RNGTT: variants seen among roughly 807,000 people sequenced by gnomAD.
The protein encoded by RNGTT is mRNA-capping enzyme.
Under a neutral mutation model 79.3 loss-of-function variants are expected in RNGTT, and 33 were observed. The ratio of observed to expected loss-of-function variants is 0.42; its 90% CI spans 0.32 to 0.56. The LOEUF (loss-of-function observed/expected upper bound fraction) is 0.56, where lower values mean the gene tolerates loss of function less well. RNGTT is among the 20% of genes least tolerant of loss of function. RNGTT has a pLI of 0.17. For synonymous variants in RNGTT, 222 were observed against 235.9 expected (o/e 0.94, Z 0.54); for missense variants, 497 against 739.1 (o/e 0.67, Z 3.80).
rs74898340 is a variant in RNGTT, at chr6:88,896,965, A to T, written c.685-5050T>A. 1.2e-3 allele frequency among the ~76,000 whole-genome samples: 179 copies of T among 152,262 alleles called. 4 individuals carry two copies. The East Asian group carries it at 0.032, about 27-fold the overall frequency. ...ACATCCTGCTCCATGGCACTACCAC[A>T]ATCATTTCAAACCACTCTACCTTTT... On this transcript the variant is annotated intron_variant, in intron 6 of 15. Transcript: ENST00000369485.
At chr6:88,862,309 A>G (rs1290633084) in intron 8 of RNGTT, among the ~76,000 whole-genome samples, 1 of 152,132 alleles carries the variant, frequency 6.6e-6, no homozygotes, top group Non-Finnish European at 1.5e-5. Flanking sequence ...GATTAAGTTG[A>G]TCACCAATGG....
intron 13 of RNGTT, among the ~76,000 whole-genome samples, chr6:88,708,783 T>C (rs1776226782): frequency 6.6e-6 from 1 of 152,132 alleles, no homozygotes. Flanking sequence ...CCTGTTGTTG[T>C]ATACGTTTTC....
intron 8 of RNGTT, among the ~76,000 whole-genome samples, chr6:88,859,137 A>G (rs1258940263): frequency 6.6e-6 from 1 of 152,022 alleles, no homozygotes. Context: ...GATTACCGGC[A>G]TAAGTCACCG....
In RNGTT at chr6:88,613,678, A is replaced by G. The variant is rs145087253; in HGVS notation, c.1630+594T>C. Among the ~76,000 whole-genome samples the G allele has an allele frequency of 3.3e-5, 5 of 152,256 alleles. No homozygotes were observed. In the East Asian group the frequency reaches 9.6e-4, roughly 29 times the overall value. Reference sequence around the variant, plus strand: ...TTTTTTCAACTCCACTAAAAATGCAATCCAGAACAACAACTGCTACTGGTA... The same window carrying G: ...TTTTTTCAACTCCACTAAAAATGCAGTCCAGAACAACAACTGCTACTGGTA... On this transcript the variant is annotated intron_variant, in intron 15 of 15. Transcript: ENST00000369485.
chr6:88,934,401 T>C (rs1245871042), intron 2 of RNGTT, among the ~76,000 whole-genome samples: 4 of 152,192 alleles, frequency 2.6e-5, no homozygotes, highest in African/African-American at 9.7e-5. Flanking sequence ...ATCTTCCTGA[T>C]GATTAGTAAT....
chr6:88,626,851 T>C (rs1772652984), intron 14 of RNGTT, among the ~76,000 whole-genome samples: 2 of 152,034 alleles, frequency 1.3e-5, no homozygotes, highest in South Asian at 4.1e-4. Flanking sequence ...AACAAGCAGC[T>C]CTGCCAGGTA....
At chr6:88,690,707 A>G (rs555963788) in intron 13 of RNGTT, among the ~76,000 whole-genome samples, 4 of 152,224 alleles carry the variant, frequency 2.6e-5, no homozygotes, top group African/African-American at 9.6e-5. Flanking sequence ...GAGACACCCC[A>G]TCTCAAAAAT....
chr6:88,829,701 CAAA>C (rs766593092), intron 11 of RNGTT, among the ~76,000 whole-genome samples: 17 of 47,626 alleles, frequency 3.6e-4, no homozygotes, highest in Admixed American at 1.2e-3. Flanking sequence ...AAATGGAAAG[CAAA>C]AAAAAAAAAA....
intron 11 of RNGTT, among the ~76,000 whole-genome samples, chr6:88,838,323 C>A (rs1781149957): frequency 6.6e-6 from 1 of 152,062 alleles, no homozygotes; most frequent in African/African-American, 2.4e-5. Flanking sequence ...GGAAAAGTAG[C>A]ACCTTTTTCA....
intron 13 of RNGTT, among the ~76,000 whole-genome samples, chr6:88,740,854 G>A (rs768296768): frequency 2.6e-5 from 4 of 152,076 alleles, no homozygotes; most frequent in Non-Finnish European, 5.9e-5. Context: ...TAACAAACCT[G>A]CACGTTCTGC....
intron 12 of RNGTT, among the ~76,000 whole-genome samples, chr6:88,790,087 T>G (rs1779356052): frequency 6.6e-6 from 1 of 151,752 alleles, no homozygotes; most frequent in Non-Finnish European, 1.5e-5. Context: ...AGACTGACAA[T>G]AGCAGAAAAA....
chr6:88,644,196 A>C (rs538788167), intron 14 of RNGTT, among the ~76,000 whole-genome samples: 1 of 152,360 alleles, frequency 6.6e-6, no homozygotes, highest in East Asian at 1.9e-4. Context: ...CAGAAATACA[A>C]ACTACCATCA....
intron 14 of RNGTT, among the ~76,000 whole-genome samples, chr6:88,660,645 C>T (rs1342169108): frequency 6.6e-6 from 1 of 152,094 alleles, no homozygotes; most frequent in African/African-American, 2.4e-5. Flanking sequence ...GCACCTAGCA[C>T]TGGAGCTCCC....
chr6:88,653,998 C>T (rs898397445), intron 14 of RNGTT, among the ~76,000 whole-genome samples: 2 of 152,302 alleles, frequency 1.3e-5, no homozygotes, highest in South Asian at 4.1e-4. Flanking sequence ...GGTAGGAGAA[C>T]AACCATTATA....
chr6:88,787,700 G>C lies in RNGTT; in HGVS notation c.1338+13864C>G, dbSNP rs576778167. ...AAAGGAGTGAAGAAAAGATTGGAGG[G>C]AGGCAAGAATGGATGCTGTAAGACT... On this transcript the variant is annotated intron_variant, in intron 12 of 15. Transcript: ENST00000369485. Among the ~76,000 whole-genome samples the C allele has an allele frequency of 3.7e-4, 56 of 152,164 alleles. No homozygotes were observed. In the Middle Eastern group the frequency reaches 0.014, roughly 37 times the overall value.
chr6:88,824,592 T>A (rs1780594835), intron 11 of RNGTT, among the ~76,000 whole-genome samples: 1 of 152,276 alleles, frequency 6.6e-6, no homozygotes, highest in African/African-American at 2.4e-5. Context: ...TCAATAACCA[T>A]GTTTGGCTAG....
chr6:88,932,317 G>A (rs750400832), intron 2 of RNGTT, among the ~76,000 whole-genome samples: 15 of 152,034 alleles, frequency 9.9e-5, no homozygotes, highest in Non-Finnish European at 8.8e-5. Context: ...GATGTTTATC[G>A]GTGACAACGT....
intron 11 of RNGTT, among the ~76,000 whole-genome samples, chr6:88,803,190 T>C (rs1217516577): frequency 3.3e-5 from 5 of 152,196 alleles, no homozygotes; most frequent in Admixed American, 6.5e-5. Context: ...TTCCTTAAAA[T>C]TTTAATGTTC....
At chr6:88,858,988 A>G (rs1287951344) in intron 8 of RNGTT, among the ~76,000 whole-genome samples, 10 of 151,974 alleles carry the variant, frequency 6.6e-5, no homozygotes, top group African/African-American at 1.9e-4. Context: ...AATAGGAATT[A>G]TGAAAACTTT....
Sources: allele counts gnomAD v4.1 joint callset (sites outside exome capture counted in the v4.1 genomes callset), GRCh38; gene constraint gnomAD v4.1.1; transcripts MANE v1.5; gene names NCBI Gene and HGNC (gene_info 2026-07-23, HGNC 2026-07-21).